Variants in HECW1 observed in about 807,000 individuals in gnomAD.
HECW1 encodes the protein HECT, C2 and WW domain containing E3 ubiquitin protein ligase 1.
A neutral mutation model predicts 182.3 loss-of-function variants in HECW1; 61 were observed. The ratio of observed to expected loss-of-function variants is 0.33; its 90% CI spans 0.27 to 0.41. HECW1 has a LOEUF of 0.41. Ranked by LOEUF, HECW1 falls within the 10% of genes least tolerant of loss-of-function variation. HECW1 has a pLI of 1.00. For missense variants in HECW1, 1,739 were observed against 2,108.9 expected, an observed-to-expected ratio of 0.82 and a Z score of 3.44; for synonymous variants, 859 against 832.6, an observed-to-expected ratio of 1.03 and a Z score of -0.55.
intron 3 of HECW1, among the ~76,000 whole-genome samples, chr7:43,297,454 G>A (rs1205796756): frequency 6.6e-6 from 1 of 152,208 alleles, no homozygotes; most frequent in Non-Finnish European, 1.5e-5. Flanking sequence ...CTGTGGATGT[G>A]TGTGGCCAGT....
chr7:43,421,193 G>A (rs1273711857), intron 8 of HECW1, among the ~76,000 whole-genome samples: 3 of 152,168 alleles, frequency 2.0e-5, no homozygotes, highest in Non-Finnish European at 4.4e-5. Context: ...TTATGGAAAG[G>A]ATAGCCTGTT....
intron 24 of HECW1, among the ~76,000 whole-genome samples, chr7:43,520,199 G>T (rs923636820): frequency 6.6e-6 from 1 of 152,162 alleles, no homozygotes; most frequent in Non-Finnish European, 1.5e-5. Context: ...GGCATATTGT[G>T]AATGCCTCAT....
intron 16 of HECW1, among the ~76,000 whole-genome samples, chr7:43,477,295 T>G (rs113958933): frequency 6.6e-6 from 1 of 152,172 alleles, no homozygotes; most frequent in Non-Finnish European, 1.5e-5. Context: ...TTTTCTAACT[T>G]TAACCAAGTA....
chr7:43,272,887 C>G (rs1438606274), intron 3 of HECW1, among the ~76,000 whole-genome samples: 1 of 152,184 alleles, frequency 6.6e-6, no homozygotes, highest in Non-Finnish European at 1.5e-5. Flanking sequence ...CATCGCTGCA[C>G]TATTCACAAT....
chr7:43,436,199 G>C (rs2076706909), intron 8 of HECW1, among the ~76,000 whole-genome samples: 1 of 150,556 alleles, frequency 6.6e-6, no homozygotes, highest in African/African-American at 2.4e-5. Flanking sequence ...TTGCTGTTAG[G>C]ATTCATCAGA....
chr7:43,560,714 C>T (rs1476188163), intron 29 of HECW1, among the ~76,000 whole-genome samples: 1 of 152,122 alleles, frequency 6.6e-6, no homozygotes, highest in African/African-American at 2.4e-5. Flanking sequence ...ATACACAAGT[C>T]CCCTAGGGAT....
intron 4 of HECW1, among the ~76,000 whole-genome samples, chr7:43,315,075 C>G (rs1341527262): frequency 6.6e-6 from 1 of 152,184 alleles, no homozygotes; most frequent in Non-Finnish European, 1.5e-5. Flanking sequence ...GTGATGCTTT[C>G]AGCATGGTAG....
rs117561875 is a variant in HECW1, at chr7:43,455,706, C to T, written c.2501-591C>T. 9.2e-3 allele frequency among the ~76,000 whole-genome samples: 1,397 copies of T among 152,312 alleles called. 21 individuals carry two copies. The highest frequency in any genetic ancestry group is 0.039 in the Admixed American group (590 of 15,292). ...TTTTTGTATTCGTCACACCATCACACCATCACGGGTGTGATGACCCGTGCC... is the reference window on the plus strand; with the variant it reads ...TTTTTGTATTCGTCACACCATCACATCATCACGGGTGTGATGACCCGTGCC... On this transcript the variant is annotated intron_variant, in intron 12 of 29. Transcript: ENST00000395891.
chr7:43,275,713 C>T (rs1364310366), intron 3 of HECW1, among the ~76,000 whole-genome samples: 4 of 151,846 alleles, frequency 2.6e-5, no homozygotes, highest in Admixed American at 1.3e-4. Flanking sequence ...CGCACGCACA[C>T]ACACACACAC....
At chr7:43,529,047 C>T (rs1028084136) in intron 24 of HECW1, among the ~76,000 whole-genome samples, 1 of 152,040 alleles carries the variant, frequency 6.6e-6, no homozygotes, top group Non-Finnish European at 1.5e-5. Flanking sequence ...ACCTAACCCC[C>T]GTGGCAGTGA....
chr7:43,174,119 G>A (rs1166339761), intron 2 of HECW1, among the ~76,000 whole-genome samples: 2 of 152,142 alleles, frequency 1.3e-5, no homozygotes, highest in African/African-American at 4.8e-5. Context: ...GGGATTACAG[G>A]CATGAGCCAC....
At chr7:43,559,769 A>C (rs935781564) in intron 29 of HECW1, among the ~76,000 whole-genome samples, 12 of 152,142 alleles carry the variant, frequency 7.9e-5, no homozygotes, top group African/African-American at 2.9e-4. Context: ...TGTCAGAACC[A>C]CACCTGGAGG....
chr7:43,426,149 G>A (rs904811659), intron 8 of HECW1, among the ~76,000 whole-genome samples: 8 of 152,106 alleles, frequency 5.3e-5, no homozygotes, highest in Non-Finnish European at 8.8e-5. Flanking sequence ...AATGACCTGA[G>A]TTTTCCTATG....
chr7:43,171,843 G>A (rs767047311), intron 2 of HECW1, among the ~76,000 whole-genome samples: 4 of 152,028 alleles, frequency 2.6e-5, no homozygotes, highest in Non-Finnish European at 5.9e-5. Flanking sequence ...ATGCTTTTGG[G>A]GTCTTTCTTT....
At chr7:43,187,753 G>A (rs10486739) in intron 2 of HECW1, among the ~76,000 whole-genome samples, 34,393 of 151,840 alleles carry the variant, frequency 0.23, 4,143 homozygotes, top group Middle Eastern at 0.26. Context: ...CACCCAATTC[G>A]ACCAAATAGG....
intron 16 of HECW1, among the ~76,000 whole-genome samples, chr7:43,474,310 A>T (rs12535883): frequency 6.6e-6 from 1 of 151,974 alleles, no homozygotes; most frequent in East Asian, 1.9e-4. Context: ...TTAGCTGGGC[A>T]TGGTGGCGGG....
chr7:43,466,112 TGAAAGAAAGAAAAA>T (rs1412704860), intron 14 of HECW1, among the ~76,000 whole-genome samples: 1 of 84,938 alleles, frequency 1.2e-5, no homozygotes, highest in African/African-American at 4.8e-5. Flanking sequence ...GAAAGAAAGA[TGAAAGAAAGAAAAA>T]GAAAGAAAGG....
Position 43,221,664 on chromosome 7 carries a change from CT to C in HECW1, c.-31-22210del, listed in dbSNP as rs565890604. Among the ~76,000 whole-genome samples the C allele has an allele frequency of 3.0e-3, 445 of 146,006 alleles. 3 individuals are homozygous for C. The highest frequency in any genetic ancestry group is 0.022 in the Middle Eastern group (6 of 270). ...CGCCTCCTGGATTCATGTCATTCTC[CT>C]GCCTCAGCCTCCCGAGTAGCTGGGA... On this transcript the variant is annotated intron_variant, in intron 2 of 29. Coordinates refer to ENST00000395891, the MANE Select transcript of HECW1 (RefSeq NM_015052.5).
At chr7:43,171,356 A>AT (rs1253365838) in intron 2 of HECW1, among the ~76,000 whole-genome samples, 1 of 152,080 alleles carries the variant, frequency 6.6e-6, no homozygotes, top group African/African-American at 2.4e-5. Flanking sequence ...ATAAAATCTC[A>AT]TTTTTTCACA....
Sources: allele counts gnomAD v4.1 joint callset (sites outside exome capture counted in the v4.1 genomes callset), GRCh38; gene constraint gnomAD v4.1.1; transcripts MANE v1.5; gene names NCBI Gene and HGNC (gene_info 2026-07-23, HGNC 2026-07-21).